Variants in DDB1 observed in about 807,000 individuals in gnomAD.
The protein encoded by DDB1 is DNA damage-binding protein 1.
Under a neutral mutation model 133.1 loss-of-function variants are expected in DDB1, and 18 were observed. The ratio of observed to expected loss-of-function variants is 0.14; its 90% CI spans 0.09 to 0.20. The LOEUF (loss-of-function observed/expected upper bound fraction) is 0.20, where lower values mean the gene tolerates loss of function less well. DDB1 is among the 10% of genes least tolerant of loss of function. The probability of loss-of-function intolerance (pLI) is 1.00; values close to 1 mark genes in which losing one functional copy is unlikely to be tolerated. For synonymous variants in DDB1, 580 were observed against 550.5 expected, an observed-to-expected ratio of 1.05 and a Z score of -0.75; for missense variants, 828 against 1,459.2, an observed-to-expected ratio of 0.57 and a Z score of 7.05.
chr11:61,332,078 C>T (rs1184230828), intron 1 of DDB1: 1 of 171,868 alleles, frequency 5.8e-6, no homozygotes, highest in South Asian at 1.4e-4. Context: ...TAAAGTCTCA[C>T]AAAACTTTTA....
Position 61,311,926 on chromosome 11 carries a change from C to T in DDB1, c.2166-31G>A, listed in dbSNP as rs28720315. ...GAACAAGTACAGAACAACAGTGTCA[C>T]TTAGAAAGTCAGAAGCACCCTACAC... On this transcript the variant is annotated intron_variant, in intron 17 of 26. Transcript: ENST00000301764. 1,166 of 1,614,036 alleles carry T rather than the reference C, an allele frequency of 7.2e-4. 9 individuals are homozygous for T. The African/African-American group carries it at 0.014, about 20-fold the overall frequency.
Position 61,313,567 on chromosome 11 carries a change from G to A in DDB1, c.2001C>T (p.Val667=). 1 of 1,614,182 alleles carries A rather than the reference G, an allele frequency of 6.2e-7. No individual in the cohort carries two copies. Among genetic ancestry groups the A allele is most frequent in the Non-Finnish European group, 8.5e-7 (1 of 1,180,048 alleles). Reference sequence around the variant, plus strand: ...CTTCCTTGAGGTTGACATTTGAGAAGACCAATTTGTGGTTGCTGCTATAGA... The same window carrying A: ...CTTCCTTGAGGTTGACATTTGAGAAAACCAATTTGTGGTTGCTGCTATAGA... ...TVIYSSNHKL[V]FSNVNLKEVN... is the part of the protein sequence containing the mutation. Residue 667 remains valine, a synonymous_variant, in exon 16 of 27, where the codon GTC becomes GTT. Transcript: ENST00000301764.
Position 61,331,570 on chromosome 11 carries a change from A to T in DDB1, c.183T>A (p.Ile61=), listed in dbSNP as rs1856370708. Residue 61 remains isoleucine (I), a synonymous_variant, in exon 2 of 27, where the codon ATT becomes ATA. Transcript: ENST00000301764. The stretch of plus-strand genomic sequence containing the variant: ...TGGGCCTGAAAAGCTCCATGACCGC[A>T]ATCTTCCCATACATGCCCACCTCTT... ...PVKEVGMYGK[I]AVMELFRPKG... 1 of 1,614,110 alleles carries T rather than the reference A, an allele frequency of 6.2e-7. No individual in the cohort carries two copies. Among genetic ancestry groups the T allele is most frequent in the Non-Finnish European group, 8.5e-7 (1 of 1,180,012 alleles).
At chr11:61,323,291 C>T (rs188066514) in intron 7 of DDB1, 197 bp from the exon 8 acceptor site, 1 of 584,190 alleles carries the variant, frequency 1.7e-6, no homozygotes, top group African/African-American at 1.9e-5. Flanking sequence ...TCTATTGCAT[C>T]CCTACACTCA....
chr11:61,304,876 TA>T (rs757285412), intron 21 of DDB1, among the ~76,000 whole-genome samples: 558 of 109,442 alleles, frequency 5.1e-3, no homozygotes, highest in Admixed American at 5.4e-3. Flanking sequence ...AGACTCCGCC[TA>T]AAAAAAAAAA....
Position 61,323,014 on chromosome 11 carries a change from C to T in DDB1, c.1002G>A (p.Val334=), listed in dbSNP as rs191442441. The T allele has an allele frequency of 1.4e-4, 226 of 1,613,450 alleles. 1 individual carries two copies. The highest frequency in any genetic ancestry group is 3.5e-5 in the Non-Finnish European group (41 of 1,179,682). ...CCAGAAACAAGTGTCTTCTCACCTT[C>T]ACAAGCTGGGAGTCACCCAGGCGAG... ...VGSRLGDSQL[V]KLNVDSNEQG... is the part of the protein sequence containing the mutation. Residue 334 remains valine (V), a synonymous_variant, in exon 8 of 27, where the codon GTG becomes GTA. Coordinates refer to ENST00000301764, the MANE Select transcript of DDB1 (RefSeq NM_001923.5).
intron 22 of DDB1, among the ~76,000 whole-genome samples, chr11:61,303,557 A>AGGTGCC (rs1488727605): frequency 1.3e-5 from 2 of 152,044 alleles, no homozygotes; most frequent in African/African-American, 4.8e-5. Context: ...GCGTGTTGGC[A>AGGTGCC]GGTGCCTGTA....
intron 20 of DDB1, among the ~76,000 whole-genome samples, chr11:61,309,280 A>G (rs547010682): frequency 6.6e-6 from 1 of 152,274 alleles, no homozygotes; most frequent in African/African-American, 2.4e-5. Flanking sequence ...TCCAGTTGGT[A>G]TCTAGGATCT....
Position 61,302,601 on chromosome 11 carries a change from G to A in DDB1, c.3093C>T (p.Gly1031=), listed in dbSNP as rs1274408747. Residue 1031 remains glycine (G), a synonymous_variant, in exon 24 of 27, where the codon GGC becomes GGT. Coordinates refer to ENST00000301764, the MANE Select transcript of DDB1 (RefSeq NM_001923.5). ...CCTTACCTATCATGCCGTTGACCGT[G>A]CCGAAGAGCACCGAGCCTTGTGTGG... ...STPTQGSVLF[G]TVNGMIGLVT... The A allele has an allele frequency of 1.9e-6, 3 of 1,614,158 alleles. No homozygotes were observed. Among genetic ancestry groups the A allele is most frequent in the Non-Finnish European group, 1.7e-6 (2 of 1,180,020 alleles).
At chr11:61,307,024 A>G (rs1271382445) in intron 21 of DDB1, among the ~76,000 whole-genome samples, 2 of 152,172 alleles carry the variant, frequency 1.3e-5, no homozygotes, top group Non-Finnish European at 2.9e-5. Flanking sequence ...GAACAGAGAC[A>G]CAGCCAAAAG....
chr11:61,315,413 G>C (rs1204302013), intron 12 of DDB1: 1 of 152,196 alleles, frequency 6.6e-6, no homozygotes, highest in Non-Finnish European at 1.5e-5. Context: ...CAGGCCAATA[G>C]TTAGATAACA....
Position 61,302,593 on chromosome 11 carries a change from T to C in DDB1, c.3101A>G (p.Asn1034Ser), listed in dbSNP as rs144788672. Residue 1034 changes from asparagine (N) to serine (S), a missense_variant, in exon 24 of 27, where the codon AAC becomes AGC. Around this residue, in one of 7 missense-constraint regions of DDB1, gnomAD observed 116 missense variants for 221.6 expected, o/e 0.52. Transcript: ENST00000301764. Reference sequence around the variant, plus strand: ...AGGGGTGACCTTACCTATCATGCCGTTGACCGTGCCGAAGAGCACCGAGCC... The same window carrying C: ...AGGGGTGACCTTACCTATCATGCCGCTGACCGTGCCGAAGAGCACCGAGCC... ...TQGSVLFGTVNGMIGLVTSLS... is the reference protein window; with the variant it reads ...TQGSVLFGTVSGMIGLVTSLS... 22 of 1,614,008 alleles carry C rather than the reference T, an allele frequency of 1.4e-5. No individual in the cohort carries two copies. The highest frequency in any genetic ancestry group is 4.5e-5 in the East Asian group (2 of 44,900).
rs532042719 is a variant in DDB1, at chr11:61,321,912, A to G, written c.1123-215T>C. 5.2e-4 allele frequency: 294 copies of G among 570,554 alleles called. 4 individuals are homozygous for G. The South Asian group carries it at 6.1e-3, about 12-fold the overall frequency. The allele number at this position is 570,554 out of a possible 1,614,324, so 35.3% of individuals were successfully genotyped here. A position where few individuals can be genotyped will look rare whatever the true frequency, so the allele number is the denominator to read the frequency against. ...GTCCAGGAAGCAAAAAGCTTCTACC[A>G]CTGCTCCTAGCAAGCTTGCTTAGAT... is the stretch of plus-strand genomic sequence containing the variant. On this transcript the variant is annotated intron_variant, in intron 9 of 26. Coordinates refer to ENST00000301764, the MANE Select transcript of DDB1 (RefSeq NM_001923.5).
intron 12 of DDB1, chr11:61,315,473 A>G (rs1182005742): frequency 6.6e-6 from 1 of 152,244 alleles, no homozygotes; most frequent in African/African-American, 2.4e-5. Context: ...CTTGGTCTGC[A>G]AACTGACAGA....
At chr11:61,332,829 C>T in intron 1 of DDB1, 79 bp downstream of exon 1, 1 of 1,299,566 alleles carries the variant, frequency 7.7e-7, no homozygotes, top group East Asian at 3.1e-5. Context: ...CCGGCCGCCC[C>T]CGGGGCGGCG....
intron 21 of DDB1, among the ~76,000 whole-genome samples, chr11:61,306,216 T>C (rs999922846): frequency 2.6e-5 from 4 of 152,244 alleles, no homozygotes; most frequent in African/African-American, 9.6e-5. Context: ...GCCACTTCTC[T>C]GGGCAAACCC....
At position 61,314,156 on chromosome 11, in the gene DDB1, G is replaced by A; in HGVS notation, c.1644C>T (p.Asp548=). 6.2e-7 allele frequency: 1 copy of A among 1,613,568 alleles called. No individual in the cohort carries two copies. The highest frequency in any genetic ancestry group is 8.5e-7 in the Non-Finnish European group (1 of 1,179,780). The change falls in exon 14 of 27, where the codon GAC becomes GAT. Residue 548 remains aspartate (D), a synonymous_variant. Coordinates refer to ENST00000301764, the MANE Select transcript of DDB1 (RefSeq NM_001923.5). Reference sequence around the variant, plus strand: ...CACAAAGAGGGGACAGTCCATTGCTGTCTCCTAATGGGGTGATGTCCAAGC... The same window carrying A: ...CACAAAGAGGGGACAGTCCATTGCTATCTCCTAATGGGGTGATGTCCAAGC... ...VACLDITPLG[D]SNGLSPLCAI...
At chr11:61,304,146 G>A (rs1481567807) in intron 21 of DDB1, 111 bp from the exon 22 acceptor site, 6 of 1,225,924 alleles carry the variant, frequency 4.9e-6, no homozygotes, top group Non-Finnish European at 6.9e-6. Flanking sequence ...GTGCAATGCG[G>A]GACAGGAAAC....
At chr11:61,320,560 CCTTT>C (rs1856162581) in intron 10 of DDB1, among the ~76,000 whole-genome samples, 1 of 151,686 alleles carries the variant, frequency 6.6e-6, no homozygotes, top group African/African-American at 2.4e-5. Flanking sequence ...CTGAATTACT[CCTTT>C]TTTTAAATTG....
Sources: gnomAD v4.1 joint callset for allele counts (sites outside exome capture counted in the v4.1 genomes callset) on GRCh38, gnomAD v4.1.1 for gene constraint, gnomAD v4.1.1 regional missense constraint, MANE v1.5 for transcripts, NCBI Gene and HGNC (gene_info 2026-07-23, HGNC 2026-07-21) for gene names.